RTTN: variants seen among roughly 807,000 people sequenced by gnomAD.
RTTN encodes rotatin.
In RTTN, 182 loss-of-function variants were observed where a neutral mutation model predicts 269.2. The observed-to-expected ratio is 0.68, with a 90% CI of 0.60 to 0.76. The LOEUF (loss-of-function observed/expected upper bound fraction) is 0.76, where lower values mean the gene tolerates loss of function less well. Ranked by LOEUF, RTTN falls within the 30% of genes least tolerant of loss-of-function variation. The pLI is 0.00. For missense variants in RTTN, 2,545 were observed against 2,608.6 expected, an observed-to-expected ratio of 0.98 and a Z score of 0.53; for synonymous variants, 1,006 against 963.5, an observed-to-expected ratio of 1.04 and a Z score of -0.82.
chr18:70,154,158 A>G (rs2060612956), intron 14 of RTTN, among the ~76,000 whole-genome samples: 1 of 152,144 alleles, frequency 6.6e-6, no homozygotes, highest in Non-Finnish European at 1.5e-5. Flanking sequence ...ACTAAAATTC[A>G]GTGCATTTTT....
At chr18:70,189,575 G>A (rs1191363633) in intron 9 of RTTN, among the ~76,000 whole-genome samples, 1 of 152,148 alleles carries the variant, frequency 6.6e-6, no homozygotes. Context: ...AAATGCTAAA[G>A]TATTTAAAAG....
chr18:70,023,033 T>C (rs1036645469), intron 44 of RTTN, among the ~76,000 whole-genome samples: 1 of 152,194 alleles, frequency 6.6e-6, no homozygotes, highest in Non-Finnish European at 1.5e-5. Flanking sequence ...GGTTGGTATG[T>C]GTGACCCACA....
At chr18:70,154,561 C>T (rs1486553712) in intron 14 of RTTN, among the ~76,000 whole-genome samples, 11 of 152,130 alleles carry the variant, frequency 7.2e-5, no homozygotes, top group South Asian at 6.2e-4. Context: ...TCTCTTTTCA[C>T]TTGTTCTACC....
At chr18:70,201,605 C>A (rs1426271961) in intron 4 of RTTN, among the ~76,000 whole-genome samples, 3 of 21,134 alleles carry the variant, frequency 1.4e-4, no homozygotes, top group African/African-American at 2.3e-4. Flanking sequence ...GAGACTCCAT[C>A]TCAAAAAAAA....
At chr18:70,190,295 C>T (rs2061640863) in intron 9 of RTTN, among the ~76,000 whole-genome samples, 1 of 150,608 alleles carries the variant, frequency 6.6e-6, no homozygotes, top group East Asian at 1.9e-4. Flanking sequence ...AAAAAATAAG[C>T]ATGAAAGCCT....
chr18:70,091,305 G>T (rs2058839099), intron 30 of RTTN, among the ~76,000 whole-genome samples: 1 of 152,078 alleles, frequency 6.6e-6, no homozygotes, highest in South Asian at 2.1e-4. Flanking sequence ...CTCATATGTT[G>T]AAGTCTTTAT....
intron 28 of RTTN, among the ~76,000 whole-genome samples, chr18:70,107,224 G>A (rs776797955): frequency 1.3e-4 from 20 of 152,204 alleles, no homozygotes; most frequent in African/African-American, 2.7e-4. Context: ...CCCAGTGCTC[G>A]TCGGAACCTA....
intron 45 of RTTN, among the ~76,000 whole-genome samples, chr18:70,018,016 A>G (rs1410808671): frequency 1.3e-5 from 2 of 152,152 alleles, no homozygotes; most frequent in Non-Finnish European, 2.9e-5. Flanking sequence ...TGATTTTGCT[A>G]TTAAAAGCTA....
rs145054997 is a variant in RTTN at position 70,004,514 on chromosome 18, T to C, written c.6596-278A>G. On this transcript the variant is annotated intron_variant, in intron 48 of 48. Coordinates refer to ENST00000640769, the MANE Select transcript of RTTN (RefSeq NM_173630.4). ...TAACTATAATTCCAAATGAATGCCA[T>C]TAATCTTTTTTTATGTACCATCCTT... Among the ~76,000 whole-genome samples, 660 of 152,230 alleles carry C rather than the reference T, an allele frequency of 4.3e-3. 5 individuals are homozygous for C. Among genetic ancestry groups the C allele is most frequent in the African/African-American group, 0.015 (625 of 41,540 alleles).
At chr18:70,120,868 T>C (rs182860920) in intron 26 of RTTN, among the ~76,000 whole-genome samples, 1 of 152,052 alleles carries the variant, frequency 6.6e-6, no homozygotes, top group East Asian at 1.9e-4. Context: ...CTGGCCAACA[T>C]GGTGAAACCC....
At chr18:70,054,422 G>T in intron 37 of RTTN, 138 bp from the exon 38 acceptor site, 1 of 749,432 alleles carries the variant, frequency 1.3e-6, no homozygotes, top group Non-Finnish European at 2.1e-6. Context: ...TTAACACATA[G>T]CAGACAAAGC....
At chr18:70,021,975 G>A (rs902180182) in intron 44 of RTTN, among the ~76,000 whole-genome samples, 10 of 152,016 alleles carry the variant, frequency 6.6e-5, no homozygotes, top group African/African-American at 2.4e-4. Flanking sequence ...TTAGAAGAAA[G>A]TACAAAAACT....
chr18:70,176,894 G>C (rs754232618), intron 10 of RTTN, 49 bp from the exon 11 acceptor site: 50 of 1,463,670 alleles, frequency 3.4e-5, no homozygotes, highest in Non-Finnish European at 4.5e-5. Flanking sequence ...CCAATTTTAG[G>C]GGCCAGTATA....
At chr18:70,072,288 A>G (rs1003542840) in intron 34 of RTTN, among the ~76,000 whole-genome samples, 1 of 152,166 alleles carries the variant, frequency 6.6e-6, no homozygotes, top group African/African-American at 2.4e-5. Flanking sequence ...TAGAGAAAAT[A>G]ATAAGAAATA....
intron 23 of RTTN, among the ~76,000 whole-genome samples, chr18:70,134,142 G>T (rs1410412536): frequency 6.6e-6 from 1 of 151,954 alleles, no homozygotes; most frequent in African/African-American, 2.4e-5. Flanking sequence ...GTGGGTGAGG[G>T]AGAATTAAAT....
At chr18:70,130,012 C>T (rs1200142820) in intron 23 of RTTN, 1 of 151,780 alleles carries the variant, frequency 6.6e-6, no homozygotes, top group African/African-American at 2.4e-5. Flanking sequence ...AAATGACCAA[C>T]AGGTATATGA....
rs752050003 is a variant in RTTN, at chr18:70,150,765, T to C, written c.1930-32A>G. 8 of 1,482,638 alleles carry C rather than the reference T, an allele frequency of 5.4e-6. No individual in the cohort carries two copies. The South Asian group carries it at 1.0e-4, about 18-fold the overall frequency. The allele number at this position is 1,482,638 out of a possible 1,614,324, so 91.8% of individuals were successfully genotyped here. A position where few individuals can be genotyped will look rare whatever the true frequency, so the allele number is the denominator to read the frequency against. ...AATAATATTAAAAAGTATTTTTAAA[T>C]TAGCAACACTGATTTTTCCAAAAGA... is the stretch of plus-strand genomic sequence containing the variant. On this transcript the variant is annotated intron_variant, in intron 14 of 48. Transcript: ENST00000640769.
intron 18 of RTTN, among the ~76,000 whole-genome samples, chr18:70,143,640 C>G (rs112273440): frequency 1.3e-5 from 2 of 151,968 alleles, no homozygotes; most frequent in African/African-American, 2.4e-5. Flanking sequence ...AAATAACTAT[C>G]GGGTACTAGG....
At chr18:70,061,463 A>T (rs960156846) in intron 35 of RTTN, 2 of 455,704 alleles carry the variant, frequency 4.4e-6, no homozygotes, top group Non-Finnish European at 8.8e-6. Flanking sequence ...ATTGCTATTT[A>T]GAGTGTCATT....
Sources: allele counts gnomAD v4.1 joint callset (sites outside exome capture counted in the v4.1 genomes callset), GRCh38; gene constraint gnomAD v4.1.1; transcripts MANE v1.5; gene names NCBI Gene and HGNC (gene_info 2026-07-23, HGNC 2026-07-21).